SEC24D: variants seen among roughly 807,000 people sequenced by gnomAD.
SEC24D encodes the protein protein transport protein Sec24D.
In SEC24D, 69 loss-of-function variants were observed where a neutral mutation model predicts 116.9. That is an observed-to-expected ratio of 0.59 (90% CI 0.49 to 0.72). The LOEUF (loss-of-function observed/expected upper bound fraction) is 0.72. SEC24D is among the 30% of genes least tolerant of loss of function. The pLI, the probability that SEC24D is intolerant of heterozygous loss-of-function variation, is 0.00. For synonymous variants in SEC24D, 405 were observed against 442.8 expected, an observed-to-expected ratio of 0.91 and a Z score of 1.07; for missense variants, 1,131 against 1,264.1, an observed-to-expected ratio of 0.89 and a Z score of 1.60.
chr4:118,726,238 T>A (rs2110424236), intron 22 of SEC24D, among the ~76,000 whole-genome samples: 1 of 152,270 alleles, frequency 6.6e-6, no homozygotes, highest in East Asian at 1.9e-4. Context: ...AGAGCCATGA[T>A]ACAACCCTCG....
At chr4:118,729,218 T>A (rs1725560415) in intron 21 of SEC24D, 1 of 152,452 alleles carries the variant, frequency 6.6e-6, no homozygotes, top group South Asian at 2.1e-4. Context: ...CCCAAAGTGC[T>A]GGGATTATAG....
At chr4:118,761,819 C>T (rs11735991) in intron 10 of SEC24D, among the ~76,000 whole-genome samples, 95,932 of 152,034 alleles carry the variant, frequency 0.63, 31,857 homozygotes, top group Non-Finnish European at 0.72. Context: ...GGCTCATAAT[C>T]TAATCAGCTC....
At chr4:118,828,209 C>T (rs570745250) in intron 2 of SEC24D, among the ~76,000 whole-genome samples, 5 of 152,046 alleles carry the variant, frequency 3.3e-5, no homozygotes, top group African/African-American at 9.6e-5. Flanking sequence ...CCCAGGTTCA[C>T]GCCATTCTCC....
chr4:118,787,312 G>C (rs1469748576), intron 8 of SEC24D, among the ~76,000 whole-genome samples: 1 of 152,144 alleles, frequency 6.6e-6, no homozygotes, highest in African/African-American at 2.4e-5. Flanking sequence ...AAGCAGACAA[G>C]ATGATGATAC....
At chr4:118,812,553 C>A (rs143208002) in intron 6 of SEC24D, among the ~76,000 whole-genome samples, 1 of 152,070 alleles carries the variant, frequency 6.6e-6, no homozygotes, top group African/African-American at 2.4e-5. Flanking sequence ...AGGGAGAATG[C>A]CAGTGGAAGA....
At chr4:118,788,004 A>T (rs1223315737) in intron 8 of SEC24D, among the ~76,000 whole-genome samples, 1 of 152,124 alleles carries the variant, frequency 6.6e-6, no homozygotes, top group Non-Finnish European at 1.5e-5. Context: ...ATTTTGGTAG[A>T]CATGGGGTCT....
At chr4:118,830,523 C>T (rs1310332100) in intron 2 of SEC24D, among the ~76,000 whole-genome samples, 2 of 152,112 alleles carry the variant, frequency 1.3e-5, no homozygotes, top group African/African-American at 2.4e-5. Flanking sequence ...TTGTCATCCA[C>T]TTCATTGAAT....
At chr4:118,813,490 G>A (rs1378122101) in intron 6 of SEC24D, among the ~76,000 whole-genome samples, 2 of 152,236 alleles carry the variant, frequency 1.3e-5, no homozygotes, top group Non-Finnish European at 2.9e-5. Context: ...AAGCGGCACA[G>A]AGCATGACAT....
At chr4:118,786,533 T>C (rs886503498) in intron 8 of SEC24D, among the ~76,000 whole-genome samples, 2 of 152,206 alleles carry the variant, frequency 1.3e-5, no homozygotes, top group African/African-American at 4.8e-5. Flanking sequence ...AAGCAAGGTA[T>C]AGATAGTATA....
chr4:118,773,866 T>C (rs888103967), intron 8 of SEC24D, among the ~76,000 whole-genome samples: 1 of 152,224 alleles, frequency 6.6e-6, no homozygotes, highest in Non-Finnish European at 1.5e-5. Flanking sequence ...TACAGTTCAA[T>C]AGGCTATTTA....
At chr4:118,804,652 T>A (rs1215187123) in intron 7 of SEC24D, among the ~76,000 whole-genome samples, 2 of 151,960 alleles carry the variant, frequency 1.3e-5, no homozygotes, top group African/African-American at 4.8e-5. Context: ...CCTTTACAAA[T>A]ATGAACTCAT....
At chr4:118,727,917 C>CA (rs1725489516) in intron 22 of SEC24D, among the ~76,000 whole-genome samples, 1 of 152,046 alleles carries the variant, frequency 6.6e-6, no homozygotes, top group South Asian at 2.1e-4. Context: ...CCCATAAATA[C>CA]CCTGGCACTT....
At chr4:118,746,250 A>AAGGAGGGAGGGAGGGAGGGC in intron 13 of SEC24D, among the ~76,000 whole-genome samples, 1 of 146,622 alleles carries the variant, frequency 6.8e-6, no homozygotes, top group South Asian at 2.2e-4. Flanking sequence ...GGAGGGAGGG[A>AAGGAGGGAGGGAGGGAGGGC]AGGCATCCTG....
In SEC24D at chr4:118,815,137, A is replaced by G. The variant is rs372234404; in HGVS notation, c.692T>C (p.Met231Thr). 2 of 1,614,146 alleles carry G rather than the reference A, an allele frequency of 1.2e-6. No homozygotes were observed. The highest frequency in any genetic ancestry group is 2.2e-5 in the East Asian group (1 of 44,886). Residue 231 changes from methionine (M) to threonine (T), a missense_variant, in exon 6 of 23, where the codon ATG becomes ACG. By Grantham distance (81) the Met-to-Thr change is moderately conservative. Transcript: ENST00000280551. Reference sequence around the variant, plus strand: ...TGGGTAAGACAGTTGTGCGCCTGCCATCTGGGGACCAGAGTTGGCTGCTTG... The same window carrying G: ...TGGGTAAGACAGTTGTGCGCCTGCCGTCTGGGGACCAGAGTTGGCTGCTTG... Reference protein sequence around the residue: ...PPQQANSGPQMAGAQLSYPGG... With the variant: ...PPQQANSGPQTAGAQLSYPGG...
At chr4:118,802,322 C>G (rs1015107333) in intron 7 of SEC24D, among the ~76,000 whole-genome samples, 1 of 152,122 alleles carries the variant, frequency 6.6e-6, no homozygotes, top group Admixed American at 6.5e-5. Context: ...TGGCTCTGAT[C>G]CTAACCAGCT....
chr4:118,822,650 C>T (rs1457163260), intron 3 of SEC24D, among the ~76,000 whole-genome samples: 1 of 152,180 alleles, frequency 6.6e-6, no homozygotes, highest in Non-Finnish European at 1.5e-5. Flanking sequence ...CAGCTCACTG[C>T]AGCCTTGACC....
intron 13 of SEC24D, among the ~76,000 whole-genome samples, chr4:118,751,176 CTT>C (rs1185148886): frequency 0.034 from 3,436 of 100,042 alleles, 52 homozygotes; most frequent in Non-Finnish European, 0.054. Context: ...AGAGTGAGGG[CTT>C]TTTTTTTTTT....
At chr4:118,796,909 C>A (rs545095595) in intron 8 of SEC24D, among the ~76,000 whole-genome samples, 1 of 152,230 alleles carries the variant, frequency 6.6e-6, no homozygotes, top group East Asian at 1.9e-4. Flanking sequence ...TTCGGCCTAG[C>A]TTACCTGGAT....
At chr4:118,824,505 G>T in intron 3 of SEC24D, 115 bp downstream of exon 3, 1 of 1,111,244 alleles carries the variant, frequency 9.0e-7, no homozygotes, top group Non-Finnish European at 1.3e-6. Flanking sequence ...TTTCAGGGGT[G>T]TGTAACATCA....
Sources: allele counts gnomAD v4.1 joint callset (sites outside exome capture counted in the v4.1 genomes callset), GRCh38; gene constraint gnomAD v4.1.1; transcripts MANE v1.5; gene names NCBI Gene and HGNC (gene_info 2026-07-23, HGNC 2026-07-21).